Variants in SUSD6 observed in about 807,000 individuals in gnomAD.
SUSD6 encodes sushi domain-containing protein 6.
In SUSD6, 16 loss-of-function variants were observed where a neutral mutation model predicts 28.4. The ratio of observed to expected loss-of-function variants is 0.56; its 90% CI spans 0.38 to 0.86. The LOEUF is 0.86. Among genes scored for constraint, SUSD6 ranks in the 40% least tolerant of loss-of-function variants. SUSD6 has a pLI of 0.00. For synonymous variants in SUSD6, 147 were observed against 159.6 expected (o/e 0.92, Z 0.59); for missense variants, 341 against 384.2 (o/e 0.89, Z 0.94).
At chr14:69,670,012 A>G (rs1347105619) in intron 2 of SUSD6, among the ~76,000 whole-genome samples, 1 of 152,214 alleles carries the variant, frequency 6.6e-6, no homozygotes, top group African/African-American at 2.4e-5. Context: ...ATCATGGTAC[A>G]TGAACGCTAT....
At chr14:69,621,835 T>G (rs1327636942) in intron 1 of SUSD6, among the ~76,000 whole-genome samples, 1 of 152,212 alleles carries the variant, frequency 6.6e-6, no homozygotes, top group Non-Finnish European at 1.5e-5. Flanking sequence ...CCATGCTTTT[T>G]TTAAAGCACA....
intron 1 of SUSD6, among the ~76,000 whole-genome samples, chr14:69,652,159 C>T (rs921807793): frequency 6.6e-6 from 1 of 152,118 alleles, no homozygotes; most frequent in African/African-American, 2.4e-5. Context: ...AACTAATGGA[C>T]AGAGGAGCCA....
intron 2 of SUSD6, among the ~76,000 whole-genome samples, chr14:69,677,504 G>A (rs903013762): frequency 2.7e-5 from 4 of 149,030 alleles, no homozygotes; most frequent in South Asian, 2.1e-4. Flanking sequence ...CCAAGATCAC[G>A]CCACCGCGCT....
intron 2 of SUSD6, among the ~76,000 whole-genome samples, chr14:69,664,138 C>G (rs1322662565): frequency 1.3e-5 from 2 of 152,190 alleles, no homozygotes; most frequent in African/African-American, 4.8e-5. Flanking sequence ...GCCACCACGC[C>G]CAGCTAATGT....
chr14:69,644,785 C>T (rs1459395344), intron 1 of SUSD6, among the ~76,000 whole-genome samples: 1 of 152,152 alleles, frequency 6.6e-6, no homozygotes, highest in African/African-American at 2.4e-5. Flanking sequence ...GTTTGAAGGA[C>T]TCTCCTTTAT....
At chr14:69,656,724 T>C (rs900987956) in intron 1 of SUSD6, among the ~76,000 whole-genome samples, 1 of 152,248 alleles carries the variant, frequency 6.6e-6, no homozygotes, top group African/African-American at 2.4e-5. Context: ...ACTATCCCTA[T>C]TTTACAGATG....
chr14:69,668,699 T>C (rs1247450897), intron 2 of SUSD6, among the ~76,000 whole-genome samples: 1 of 151,772 alleles, frequency 6.6e-6, no homozygotes, highest in African/African-American at 2.4e-5. Flanking sequence ...TGTTAAATTG[T>C]AATTGCCAGT....
chr14:69,661,494 CA>C (rs1885660035), intron 2 of SUSD6, among the ~76,000 whole-genome samples: 1 of 152,172 alleles, frequency 6.6e-6, no homozygotes, highest in African/African-American at 2.4e-5. Context: ...CCTTCCCTGC[CA>C]CCCCAACCTC....
chr14:69,700,019 C>A lies in SUSD6; in HGVS notation c.122-3376C>A, dbSNP rs1271812775. ...GATGGGTTCTCTACCTGGTGGGCACCATGTTGCCTGGTCCTTACTGTACAC... is the reference window on the plus strand; with the variant it reads ...GATGGGTTCTCTACCTGGTGGGCACAATGTTGCCTGGTCCTTACTGTACAC... On this transcript the variant is annotated intron_variant, in intron 2 of 5. Coordinates refer to ENST00000342745, the MANE Select transcript of SUSD6 (RefSeq NM_014734.4). Among the ~76,000 whole-genome samples, 4 of 152,122 alleles carry A rather than the reference C, an allele frequency of 2.6e-5. No homozygotes were observed. The East Asian group carries it at 5.8e-4, about 22-fold the overall frequency.
At chr14:69,679,863 A>G (rs2139629908) in intron 2 of SUSD6, among the ~76,000 whole-genome samples, 1 of 152,302 alleles carries the variant, frequency 6.6e-6, no homozygotes, top group Non-Finnish European at 1.5e-5. Flanking sequence ...TTTGGAAAGT[A>G]TTTTTATGGG....
chr14:69,650,008 T>G (rs1885480469), intron 1 of SUSD6, among the ~76,000 whole-genome samples: 1 of 152,190 alleles, frequency 6.6e-6, no homozygotes, highest in African/African-American at 2.4e-5. Context: ...ACTAATATTA[T>G]TTTAGGATAG....
At chr14:69,666,748 T>G (rs1379682170) in intron 2 of SUSD6, among the ~76,000 whole-genome samples, 1 of 152,214 alleles carries the variant, frequency 6.6e-6, no homozygotes, top group Non-Finnish European at 1.5e-5. Context: ...AATTGTTTAG[T>G]CATCCAAAAT....
intron 2 of SUSD6, among the ~76,000 whole-genome samples, chr14:69,684,662 A>G (rs1475694489): frequency 6.6e-6 from 1 of 152,252 alleles, no homozygotes; most frequent in Non-Finnish European, 1.5e-5. Flanking sequence ...CAGTGGAAAC[A>G]TCGTGTCTGT....
chr14:69,651,531 G>A (rs1296613783), intron 1 of SUSD6, among the ~76,000 whole-genome samples: 2 of 152,170 alleles, frequency 1.3e-5, no homozygotes, highest in African/African-American at 4.8e-5. Context: ...AAATGGATAA[G>A]TTAATATTCT....
intron 2 of SUSD6, among the ~76,000 whole-genome samples, chr14:69,679,533 A>G (rs148748540): frequency 0.011 from 1,669 of 152,128 alleles, 16 homozygotes; most frequent in Non-Finnish European, 0.016. Context: ...CATGTGGCCT[A>G]ACACAAATTC....
intron 3 of SUSD6, 78 bp downstream of exon 3, chr14:69,703,670 T>C: frequency 7.5e-7 from 1 of 1,339,456 alleles, no homozygotes; most frequent in Non-Finnish European, 1.1e-6. Flanking sequence ...GCATGCTTCC[T>C]CCAGAGCACT....
chr14:69,700,772 C>G (rs905116221), intron 2 of SUSD6, among the ~76,000 whole-genome samples: 2 of 152,170 alleles, frequency 1.3e-5, no homozygotes, highest in Non-Finnish European at 2.9e-5. Flanking sequence ...TATAGAGTAT[C>G]TTTGGAAGAA....
chr14:69,616,578 T>TG (rs1245464134), intron 1 of SUSD6, among the ~76,000 whole-genome samples: 1 of 152,170 alleles, frequency 6.6e-6, no homozygotes, highest in Non-Finnish European at 1.5e-5. Flanking sequence ...GGGTACAAGG[T>TG]GATTTTGCTT....
rs1434176869 is a variant in SUSD6, at chr14:69,676,524, T to C, written c.121+17811T>C. On this transcript the variant is annotated intron_variant, in intron 2 of 5. Coordinates refer to ENST00000342745, the MANE Select transcript of SUSD6 (RefSeq NM_014734.4). ...CCTTCTGAGTAGCTGGGACTACAGG[T>C]GCATGCCACCATGCCTGGCTAATGT... Among the ~76,000 whole-genome samples, 6 of 152,200 alleles carry C rather than the reference T, an allele frequency of 3.9e-5. No individual in the cohort carries two copies. The East Asian group carries it at 9.7e-4, about 25-fold the overall frequency.
Sources: allele counts gnomAD v4.1 joint callset (sites outside exome capture counted in the v4.1 genomes callset), GRCh38; gene constraint gnomAD v4.1.1; transcripts MANE v1.5; gene names NCBI Gene and HGNC (gene_info 2026-07-23, HGNC 2026-07-21).